The following PXDNL variants were observed in gnomAD, a reference collection of about 807,000 sequenced individuals.
PXDNL encodes the protein peroxidasin like.
A neutral mutation model predicts 150.8 loss-of-function variants in PXDNL; 145 were observed. The observed-to-expected ratio is 0.96, with a 90% CI of 0.84 to 1.10. The LOEUF is 1.10. PXDNL is among the 50% of genes least tolerant of loss of function. The pLI, the probability that PXDNL is intolerant of heterozygous loss-of-function variation, is 0.00. For synonymous variants in PXDNL, 757 were observed against 725.7 expected (o/e 1.04, Z -0.69); for missense variants, 2,087 against 1,873.9 (o/e 1.11, Z -2.10).
At chr8:51,674,320 G>C (rs1815560368) in intron 1 of PXDNL, among the ~76,000 whole-genome samples, 1 of 152,214 alleles carries the variant, frequency 6.6e-6, no homozygotes, top group African/African-American at 2.4e-5. Flanking sequence ...CAGCTGAATA[G>C]CCCTGGGAGC....
chr8:51,603,192 T>C (rs1225994076), intron 2 of PXDNL, among the ~76,000 whole-genome samples: 1 of 151,932 alleles, frequency 6.6e-6, no homozygotes, highest in Non-Finnish European at 1.5e-5. Flanking sequence ...TTTTACTCTT[T>C]ATATAGGATA....
At chr8:51,576,486 T>C (rs1306626072) in intron 3 of PXDNL, among the ~76,000 whole-genome samples, 1 of 151,192 alleles carries the variant, frequency 6.6e-6, no homozygotes, top group Non-Finnish European at 1.5e-5. Context: ...AAAGTGAAAA[T>C]ACAACATCAA....
At chr8:51,538,537 G>A (rs1426026381) in intron 4 of PXDNL, among the ~76,000 whole-genome samples, 1 of 152,048 alleles carries the variant, frequency 6.6e-6, no homozygotes, top group Admixed American at 6.6e-5. Flanking sequence ...AGGCTGAGGC[G>A]GGTGGATCAC....
At chr8:51,773,355 A>T (rs149092110) in intron 1 of PXDNL, among the ~76,000 whole-genome samples, 31 of 152,284 alleles carry the variant, frequency 2.0e-4, no homozygotes, top group African/African-American at 7.0e-4. Context: ...GAAGCATCAC[A>T]TTACAGCCAT....
At chr8:51,589,005 T>A (rs1433705709) in intron 3 of PXDNL, among the ~76,000 whole-genome samples, 1 of 152,226 alleles carries the variant, frequency 6.6e-6, no homozygotes, top group Non-Finnish European at 1.5e-5. Flanking sequence ...GATTAGGTCA[T>A]GAGGACTCTT....
At chr8:51,503,784 C>A (rs1222320547) in intron 4 of PXDNL, among the ~76,000 whole-genome samples, 3 of 152,180 alleles carry the variant, frequency 2.0e-5, no homozygotes, top group Non-Finnish European at 4.4e-5. Context: ...CAGATGATTT[C>A]ATCAACATCC....
chr8:51,606,106 G>A lies in PXDNL; in HGVS notation c.237-13408C>T, dbSNP rs111664922. Among the ~76,000 whole-genome samples, 386 of 152,310 alleles carry A rather than the reference G, an allele frequency of 2.5e-3. 2 individuals are homozygous for A. The highest frequency in any genetic ancestry group is 9.0e-3 in the African/African-American group (374 of 41,582). The stretch of plus-strand genomic sequence containing the variant: ...AAAAAGAAAAGATGCCAGATTCTAT[G>A]AGATTGTGAATTGTGATAAGATTAA... On this transcript the variant is annotated intron_variant, in intron 2 of 22. Coordinates refer to ENST00000356297, the MANE Select transcript of PXDNL (RefSeq NM_144651.5).
chr8:51,675,400 C>T (rs1254714951), intron 1 of PXDNL, among the ~76,000 whole-genome samples: 2 of 152,146 alleles, frequency 1.3e-5, no homozygotes, highest in Non-Finnish European at 2.9e-5. Flanking sequence ...CAAGGCACCA[C>T]CTTGGAATCA....
intron 10 of PXDNL, among the ~76,000 whole-genome samples, chr8:51,449,467 C>T (rs1809755312): frequency 1.3e-5 from 2 of 152,196 alleles, no homozygotes; most frequent in South Asian, 4.1e-4. Flanking sequence ...AAACTATTAA[C>T]AAAACCGTCT....
At chr8:51,597,115 C>T (rs1197161902) in intron 2 of PXDNL, among the ~76,000 whole-genome samples, 8 of 152,158 alleles carry the variant, frequency 5.3e-5, no homozygotes, top group African/African-American at 1.9e-4. Flanking sequence ...TTTCATTCTT[C>T]TACATATGGC....
Position 51,480,779 on chromosome 8 carries a change from C to T in PXDNL, c.524+2864G>A, listed in dbSNP as rs376907576. On this transcript the variant is annotated intron_variant, in intron 6 of 22. Coordinates refer to ENST00000356297, the MANE Select transcript of PXDNL (RefSeq NM_144651.5). Reference sequence around the variant, plus strand: ...GGTTTTATAAATGGGAGTTCCCCTGCGCAGGCTCTCTTGCCTGCTGCCATG... The same window carrying T: ...GGTTTTATAAATGGGAGTTCCCCTGTGCAGGCTCTCTTGCCTGCTGCCATG... 2.0e-4 allele frequency among the ~76,000 whole-genome samples: 30 copies of T among 152,290 alleles called. No homozygotes were observed. The South Asian group carries it at 4.8e-3, about 24-fold the overall frequency.
chr8:51,421,452 C>A (rs1194433034), intron 14 of PXDNL, among the ~76,000 whole-genome samples: 1 of 152,156 alleles, frequency 6.6e-6, no homozygotes, highest in African/African-American at 2.4e-5. Context: ...GTAATCCCAG[C>A]ACTTTGGGAG....
intron 19 of PXDNL, among the ~76,000 whole-genome samples, chr8:51,366,003 G>C (rs1806906340): frequency 6.6e-6 from 1 of 152,168 alleles, no homozygotes; most frequent in Admixed American, 6.5e-5. Flanking sequence ...TCCAACAAAA[G>C]AAGGTTGCCC....
chr8:51,408,486 G>C lies in PXDNL; in HGVS notation c.3138C>G (p.Asn1046Lys), dbSNP rs1291945854. The C allele has an allele frequency of 5.6e-6, 9 of 1,613,586 alleles. No homozygotes were observed. Among genetic ancestry groups the C allele is most frequent in the Non-Finnish European group, 6.8e-6 (8 of 1,179,734 alleles). ...ATCTAAAGGCTGCAGTAGCAAAAGA[G>C]TTAATGATGCCTGCATTCACGTTGG... ...YNPNVNAGIINSFATAAFRFG... is the reference protein window; with the variant it reads ...YNPNVNAGIIKSFATAAFRFG... The change falls in exon 17 of 23, where the codon AAC (asparagine) becomes AAG (lysine). Residue 1046 changes from asparagine to lysine, a missense_variant. By Grantham distance (94) the Asn-to-Lys change is moderately conservative. Transcript: ENST00000356297.
At chr8:51,466,747 C>T (rs1810212809) in intron 8 of PXDNL, among the ~76,000 whole-genome samples, 1 of 152,164 alleles carries the variant, frequency 6.6e-6, no homozygotes, top group African/African-American at 2.4e-5. Context: ...CAAGAACAGA[C>T]ACTTCCCACA....
chr8:51,572,672 A>G (rs1169073973), intron 3 of PXDNL, among the ~76,000 whole-genome samples: 2 of 132,458 alleles, frequency 1.5e-5, no homozygotes, highest in Non-Finnish European at 3.0e-5. Flanking sequence ...GATACTGCTT[A>G]GTACTTAATG....
chr8:51,548,492 T>G (rs1812412645), intron 4 of PXDNL, among the ~76,000 whole-genome samples: 1 of 152,174 alleles, frequency 6.6e-6, no homozygotes, highest in African/African-American at 2.4e-5. Context: ...CAGCAGATTT[T>G]TCAGCAGAAA....
intron 1 of PXDNL, among the ~76,000 whole-genome samples, chr8:51,739,416 C>A (rs1401898901): frequency 6.6e-6 from 1 of 151,230 alleles, no homozygotes; most frequent in Non-Finnish European, 1.5e-5. Flanking sequence ...CTAGACAGTG[C>A]AATAAGGCAA....
At chr8:51,719,093 C>G (rs1472190234) in intron 1 of PXDNL, among the ~76,000 whole-genome samples, 1 of 152,104 alleles carries the variant, frequency 6.6e-6, no homozygotes, top group East Asian at 1.9e-4. Flanking sequence ...CGCCTCTGCC[C>G]GGCCGCCCCT....
Sources: allele counts gnomAD v4.1 joint callset (sites outside exome capture counted in the v4.1 genomes callset), GRCh38; gene constraint gnomAD v4.1.1; transcripts MANE v1.5; gene names NCBI Gene and HGNC (gene_info 2026-07-23, HGNC 2026-07-21).